The following CCDC85A variants were observed in gnomAD, a reference collection of about 807,000 sequenced individuals.
CCDC85A encodes the protein coiled-coil domain-containing protein 85A.
In CCDC85A, 38 loss-of-function variants were observed where a neutral mutation model predicts 50.2. The ratio of observed to expected loss-of-function variants is 0.76; its 90% confidence interval spans 0.58 to 0.99. The LOEUF is 0.99. Ranked by LOEUF, CCDC85A falls within the 50% of genes least tolerant of loss-of-function variation. CCDC85A has a pLI of 0.00. For missense variants in CCDC85A, 820 were observed against 742.0 expected (o/e 1.11, Z -1.22); for synonymous variants, 366 against 301.4 (o/e 1.21, Z -2.22).
intron 2 of CCDC85A, among the ~76,000 whole-genome samples, chr2:56,325,298 A>C (rs1360309331): frequency 6.6e-6 from 1 of 152,124 alleles, no homozygotes; most frequent in African/African-American, 2.4e-5. Flanking sequence ...ATTTGAAGAT[A>C]ATAGTTACTT....
intron 2 of CCDC85A, among the ~76,000 whole-genome samples, chr2:56,261,031 A>C (rs1670195311): frequency 6.6e-6 from 1 of 152,216 alleles, no homozygotes; most frequent in Non-Finnish European, 1.5e-5. Flanking sequence ...TGATTTAGTA[A>C]TGAAGTTGAC....
intron 2 of CCDC85A, among the ~76,000 whole-genome samples, chr2:56,340,305 C>G (rs927129747): frequency 1.3e-5 from 2 of 152,110 alleles, no homozygotes. Flanking sequence ...AAATTCAGAT[C>G]AGGGCATCAA....
chr2:56,268,806 A>G (rs888814202), intron 2 of CCDC85A, among the ~76,000 whole-genome samples: 3 of 152,128 alleles, frequency 2.0e-5, no homozygotes, highest in Non-Finnish European at 2.9e-5. Context: ...ATTTCATACA[A>G]TAACAATTTT....
chr2:56,277,695 C>G (rs1235368546), intron 2 of CCDC85A, among the ~76,000 whole-genome samples: 2 of 152,224 alleles, frequency 1.3e-5, no homozygotes, highest in African/African-American at 4.8e-5. Flanking sequence ...GTATAAGGCA[C>G]TCTGCCCAGC....
At chr2:56,190,070 T>C (rs1025146051) in intron 1 of CCDC85A, among the ~76,000 whole-genome samples, 6 of 152,208 alleles carry the variant, frequency 3.9e-5, no homozygotes, top group Admixed American at 2.6e-4. Context: ...CCCATGACTT[T>C]AGGAAGTGGA....
intron 2 of CCDC85A, among the ~76,000 whole-genome samples, chr2:56,246,340 C>T (rs188560969): frequency 1.3e-5 from 2 of 152,210 alleles, no homozygotes; most frequent in East Asian, 3.9e-4. Context: ...TGTCTTATTA[C>T]ATTCCTGATA....
chr2:56,363,397 CT>C (rs1675632701), intron 3 of CCDC85A, among the ~76,000 whole-genome samples: 1 of 152,198 alleles, frequency 6.6e-6, no homozygotes, highest in Non-Finnish European at 1.5e-5. Context: ...CATGATAGAT[CT>C]TTCAGCAGGT....
intron 3 of CCDC85A, among the ~76,000 whole-genome samples, chr2:56,367,684 T>C: frequency 6.6e-6 from 1 of 152,152 alleles, no homozygotes; most frequent in East Asian, 1.9e-4. Flanking sequence ...CCAAATGTTT[T>C]CTCTTGGGGG....
intron 2 of CCDC85A, among the ~76,000 whole-genome samples, chr2:56,233,728 C>T (rs1273879647): frequency 1.3e-5 from 2 of 152,206 alleles, no homozygotes; most frequent in African/African-American, 4.8e-5. Context: ...GTAGTACTCT[C>T]ATGTTATATT....
intron 3 of CCDC85A, among the ~76,000 whole-genome samples, chr2:56,355,756 A>G (rs1573328641): frequency 6.6e-6 from 1 of 152,256 alleles, no homozygotes; most frequent in African/African-American, 2.4e-5. Flanking sequence ...CGGATTACAG[A>G]GGAAGTGTCA....
At chr2:56,371,568 C>G (rs1323313511) in intron 3 of CCDC85A, among the ~76,000 whole-genome samples, 1 of 151,814 alleles carries the variant, frequency 6.6e-6, no homozygotes, top group Admixed American at 6.6e-5. Flanking sequence ...AGTTATAGGT[C>G]TCTGTGAAAG....
chr2:56,291,544 G>A (rs528930314), intron 2 of CCDC85A, among the ~76,000 whole-genome samples: 2 of 152,162 alleles, frequency 1.3e-5, no homozygotes, highest in Admixed American at 1.3e-4. Context: ...GATTTAAAGG[G>A]TAGAAAGATA....
intron 2 of CCDC85A, among the ~76,000 whole-genome samples, chr2:56,335,776 A>G (rs1031793758): frequency 1.3e-5 from 2 of 151,788 alleles, no homozygotes; most frequent in Non-Finnish European, 2.9e-5. Flanking sequence ...TAATTTTTGT[A>G]TCTTTAGTAG....
intron 2 of CCDC85A, among the ~76,000 whole-genome samples, chr2:56,335,709 C>A (rs1469067619): frequency 6.6e-6 from 1 of 151,910 alleles, no homozygotes; most frequent in Non-Finnish European, 1.5e-5. Flanking sequence ...TCAATCAATT[C>A]TCCTGCCTCA....
intron 2 of CCDC85A, among the ~76,000 whole-genome samples, chr2:56,219,814 A>G (rs1668241146): frequency 6.6e-6 from 1 of 151,960 alleles, no homozygotes; most frequent in South Asian, 2.1e-4. Flanking sequence ...TCCATTGACC[A>G]TTATATATCA....
intron 2 of CCDC85A, among the ~76,000 whole-genome samples, chr2:56,210,708 T>C (rs992661462): frequency 6.6e-6 from 1 of 151,986 alleles, no homozygotes; most frequent in African/African-American, 2.4e-5. Flanking sequence ...GTTCTTTTCA[T>C]GTGTCTTCTG....
chr2:56,191,105 T>G (rs1331539510), intron 1 of CCDC85A, among the ~76,000 whole-genome samples: 3 of 152,242 alleles, frequency 2.0e-5, no homozygotes, highest in African/African-American at 4.8e-5. Context: ...GCCCTCTCCC[T>G]GCCTGGGATC....
At chr2:56,259,686 C>A (rs778484030) in intron 2 of CCDC85A, among the ~76,000 whole-genome samples, 1 of 152,190 alleles carries the variant, frequency 6.6e-6, no homozygotes, top group African/African-American at 2.4e-5. Flanking sequence ...AGCTGTGTCA[C>A]CTTCCTAGAT....
intron 2 of CCDC85A, among the ~76,000 whole-genome samples, chr2:56,233,183 G>A (rs1034723185): frequency 9.9e-5 from 15 of 152,254 alleles, no homozygotes; most frequent in African/African-American, 3.6e-4. Flanking sequence ...TGGTAGACCT[G>A]GGCTACTGAT....
Sources: gnomAD v4.1 joint callset for allele counts (sites outside exome capture counted in the v4.1 genomes callset) on GRCh38, gnomAD v4.1.1 for gene constraint, MANE v1.5 for transcripts, NCBI Gene and HGNC (gene_info 2026-07-23, HGNC 2026-07-21) for gene names.